Variants in TNFRSF17 observed in about 807,000 individuals in gnomAD.
The protein encoded by TNFRSF17 is TNF receptor superfamily member 17.
Under a neutral mutation model 9.9 loss-of-function variants are expected in TNFRSF17, and 13 were observed. The ratio of observed to expected loss-of-function variants is 1.31; its 90% confidence interval spans 0.85 to 2.08. The LOEUF (loss-of-function observed/expected upper bound fraction) is 2.08, where lower values mean the gene tolerates loss of function less well. Ranked by LOEUF, TNFRSF17 falls within the 30% of genes most tolerant of loss-of-function variation. The pLI, the probability that TNFRSF17 is intolerant of heterozygous loss-of-function variation, is 0.00. For missense variants in TNFRSF17, 305 were observed against 225.8 expected (o/e 1.35, Z -2.25); for synonymous variants, 99 against 83.7 (o/e 1.18, Z -1.00).
At chr16:11,967,161 C>T (rs776086269) in intron 2 of TNFRSF17, 4 of 199,326 alleles carry the variant, frequency 2.0e-5, no homozygotes, top group South Asian at 6.9e-5. Flanking sequence ...CCATCACCTC[C>T]GACTAATTTT....
At chr16:11,967,327 G>C (rs368753231) in intron 2 of TNFRSF17, among the ~76,000 whole-genome samples, 4 of 152,116 alleles carry the variant, frequency 2.6e-5, no homozygotes, top group African/African-American at 9.7e-5. Context: ...TTACTGAAAA[G>C]ATCTGTTTCA....
In TNFRSF17 at chr16:11,967,700, G is replaced by A. The variant is rs771402950; in HGVS notation, c.408G>A (p.Pro136=). The A allele has an allele frequency of 3.1e-6, 5 of 1,614,160 alleles. No homozygotes were observed. The East Asian group carries it at 6.7e-5, about 22-fold the overall frequency. ...GTGAAGACTGCATCAAGAGCAAACC[G>A]AAGGTCGACTCTGACCATTGCTTTC... ...CTCEDCIKSK[P]KVDSDHCFPL... is the part of the protein sequence containing the mutation. The change falls in exon 3 of 3, where the codon CCG becomes CCA. Residue 136 remains proline (P), a synonymous_variant. Coordinates refer to ENST00000053243, the MANE Select transcript of TNFRSF17 (RefSeq NM_001192.3).
chr16:11,966,352 T>A lies in TNFRSF17; in HGVS notation c.277+11T>A, dbSNP rs758505485. 1.0e-5 allele frequency: 16 copies of A among 1,604,072 alleles called. No homozygotes were observed. The African/African-American group carries it at 2.2e-4, about 22-fold the overall frequency. ...AGTTTAAAAACACAGGTTGGTTTGA[T>A]GGTGAATCTTTGAAATCTATTTCCA... On this transcript the variant is annotated intron_variant, in intron 2 of 2. Transcript: ENST00000053243.
chr16:11,966,095 A>C, intron 1 of TNFRSF17, 100 bp from the exon 2 acceptor site: 1 of 1,297,666 alleles, frequency 7.7e-7, no homozygotes, highest in Non-Finnish European at 1.0e-6. Flanking sequence ...TGGGCAACAG[A>C]GCAAGACTTT....
At position 11,967,661 on chromosome 16, in the gene TNFRSF17, G is replaced by C. The variant is rs759841436; in HGVS notation, c.369G>C (p.Val123=). ...IILPRGLEYT[V]EECTCEDCIK... is the part of the protein sequence containing the mutation. ...TTCCGAGAGGCCTCGAGTACACGGT[G>C]GAAGAATGCACCTGTGAAGACTGCA... Residue 123 remains valine (V), a synonymous_variant, in exon 3 of 3, where the codon GTG becomes GTC. Coordinates refer to ENST00000053243, the MANE Select transcript of TNFRSF17 (RefSeq NM_001192.3). The C allele has an allele frequency of 6.2e-7, 1 of 1,614,060 alleles. No homozygotes were observed. Among genetic ancestry groups the C allele is most frequent in the Admixed American group, 1.7e-5 (1 of 59,982 alleles).
chr16:11,967,661 GGAAGAATGCACCTGT>G lies in TNFRSF17; in HGVS notation c.375_389del (p.Glu125_Glu129del). The stretch of plus-strand genomic sequence containing the variant: ...TTCCGAGAGGCCTCGAGTACACGGT[GGAAGAATGCACCTGT>G]GAAGACTGCATCAAGAGCAAACCGA... On this transcript the variant is annotated inframe_deletion, in exon 3 of 3. Coordinates refer to ENST00000053243, the MANE Select transcript of TNFRSF17 (RefSeq NM_001192.3). 1 of 1,614,178 alleles carries G rather than the reference GGAAGAATGCACCTGT, an allele frequency of 6.2e-7. No individual in the cohort carries two copies. Among genetic ancestry groups the G allele is most frequent in the Non-Finnish European group, 8.5e-7 (1 of 1,180,038 alleles).
In TNFRSF17 at chr16:11,967,893, A is replaced by C; in HGVS notation, c.*46A>C. On this transcript the variant is annotated 3_prime_UTR_variant, in exon 3 of 3. Coordinates refer to ENST00000053243, the MANE Select transcript of TNFRSF17 (RefSeq NM_001192.3). Reference sequence around the variant, plus strand: ...AGTGCCACTTTAAAAATCTTTTGTCAGAATAGATGATGTGTCAGATCTCTT... The same window carrying C: ...AGTGCCACTTTAAAAATCTTTTGTCCGAATAGATGATGTGTCAGATCTCTT... The C allele has an allele frequency of 6.3e-7, 1 of 1,587,816 alleles. No individual in the cohort carries two copies. The highest frequency in any genetic ancestry group is 8.6e-7 in the Non-Finnish European group (1 of 1,166,136).
At position 11,965,440 on chromosome 16, in the gene TNFRSF17, G is replaced by T. The variant is rs752610824; in HGVS notation, c.116G>T (p.Arg39Leu). Residue 39 changes from arginine to leucine, a missense_variant, in exon 1 of 3, where the codon CGT becomes CTT. Coordinates refer to ENST00000053243, the MANE Select transcript of TNFRSF17 (RefSeq NM_001192.3). ...SSNTPPLTCQ[R>L]YCNASVTNSV... ...AATACTCCTCCTCTAACATGTCAGC[G>T]TTATTGTAATGCAAGTAAGTAATAT... is the stretch of plus-strand genomic sequence containing the variant. 13 of 1,613,932 alleles carry T rather than the reference G, an allele frequency of 8.1e-6. No individual in the cohort carries two copies. Among genetic ancestry groups the T allele is most frequent in the Non-Finnish European group, 1.1e-5 (13 of 1,179,982 alleles).
At chr16:11,966,891 G>T (rs1396679519) in intron 2 of TNFRSF17, 1 of 152,752 alleles carries the variant, frequency 6.5e-6, no homozygotes, top group Non-Finnish European at 1.5e-5. Context: ...CTACTTAAGT[G>T]CCTCTTAAGA....
rs1035875922 is a variant in TNFRSF17, at chr16:11,965,273, T to C, written c.-52T>C. On this transcript the variant is annotated 5_prime_UTR_variant, in exon 1 of 3. Coordinates refer to ENST00000053243, the MANE Select transcript of TNFRSF17 (RefSeq NM_001192.3). ...TCTGGAATTCTTGTAGAGATATTAC[T>C]TGTCCTTCCAGGCTGTTCTTTCTGT... The C allele has an allele frequency of 1.9e-6, 3 of 1,610,232 alleles. No homozygotes were observed. The highest frequency in any genetic ancestry group is 2.5e-6 in the Non-Finnish European group (3 of 1,177,734).
Position 11,967,652 on chromosome 16 carries a change from G to A in TNFRSF17, c.360G>A (p.Glu120=). Residue 120 remains glutamate (E), a synonymous_variant, in exon 3 of 3, where the codon GAG becomes GAA. Coordinates refer to ENST00000053243, the MANE Select transcript of TNFRSF17 (RefSeq NM_001192.3). ...GDEIILPRGL[E]YTVEECTCED... ...AAATTATTCTTCCGAGAGGCCTCGA[G>A]TACACGGTGGAAGAATGCACCTGTG... 6.2e-7 allele frequency: 1 copy of A among 1,614,190 alleles called. No homozygotes were observed. Among genetic ancestry groups the A allele is most frequent in the East Asian group, 2.2e-5 (1 of 44,888 alleles).
Position 11,965,628 on chromosome 16 carries a change from C to T in TNFRSF17, c.130+174C>T, listed in dbSNP as rs11570142. 6.7e-3 allele frequency among the ~76,000 whole-genome samples: 1,019 copies of T among 152,238 alleles called. 15 individuals carry two copies. The highest frequency in any genetic ancestry group is 0.022 in the African/African-American group (919 of 41,526). The stretch of plus-strand genomic sequence containing the variant: ...ATGGAAACAAAGTAATTATTTGGAA[C>T]TGAACTTGATATGATTCAGCACTAT... On this transcript the variant is annotated intron_variant, in intron 1 of 2. Transcript: ENST00000053243.
At chr16:11,966,384 G>A (rs759232146) in intron 2 of TNFRSF17, 43 bp downstream of exon 2, 3 of 1,579,952 alleles carry the variant, frequency 1.9e-6, no homozygotes, top group Non-Finnish European at 2.6e-6. Flanking sequence ...TCCAGGGGAT[G>A]GCTATTGTGA....
Position 11,967,782 on chromosome 16 carries a change from T to C in TNFRSF17, c.490T>C (p.Tyr164His). The C allele has an allele frequency of 6.2e-7, 1 of 1,614,208 alleles. No homozygotes were observed. The highest frequency in any genetic ancestry group is 2.2e-5 in the East Asian group (1 of 44,884). The change falls in exon 3 of 3, where the codon TAT (tyrosine) becomes CAT (histidine). Residue 164 changes from tyrosine (Y) to histidine (H), a missense_variant. Transcript: ENST00000053243. ...TILVTTKTNDYCKSLPAALSA... is the reference protein window; with the variant it reads ...TILVTTKTNDHCKSLPAALSA... ...TCTTGTCACCACGAAAACGAATGAC[T>C]ATTGCAAGAGCCTGCCAGCTGCTTT...
rs1381814011 is a variant in TNFRSF17, at chr16:11,968,003, G to T, written c.*156G>T. 6 of 831,794 alleles carry T rather than the reference G, an allele frequency of 7.2e-6. No homozygotes were observed. The highest frequency in any genetic ancestry group is 1.1e-5 in the Non-Finnish European group (6 of 556,298). 51.5% of individuals were successfully genotyped at this position (831,794 alleles called of 1,614,324 possible). The stretch of plus-strand genomic sequence containing the variant: ...CTTTATGTTAGATATATTTCTCTAG[G>T]TTACTGTTGGGAGCTTAATGGTAGA... On this transcript the variant is annotated 3_prime_UTR_variant, in exon 3 of 3. Coordinates refer to ENST00000053243, the MANE Select transcript of TNFRSF17 (RefSeq NM_001192.3).
At chr16:11,967,044 A>G in intron 2 of TNFRSF17, 1 of 209,012 alleles carries the variant, frequency 4.8e-6, no homozygotes, top group Non-Finnish European at 9.8e-6. Flanking sequence ...TCTGTGGCCC[A>G]GGCTGGAGTG....
At chr16:11,966,004 G>C (rs571754032) in intron 1 of TNFRSF17, among the ~76,000 whole-genome samples, 191 bp from the exon 2 acceptor site, 9 of 152,106 alleles carry the variant, frequency 5.9e-5, no homozygotes, top group Admixed American at 4.6e-4. Context: ...CCAGCTACTC[G>C]GGAGGCTGAG....
chr16:11,967,494 G>T, intron 2 of TNFRSF17, 76 bp from the exon 3 acceptor site: 1 of 1,426,866 alleles, frequency 7.0e-7, no homozygotes, highest in Non-Finnish European at 9.6e-7. Context: ...TTTGAGTCCC[G>T]ATGTGTACTG....
rs1165563790 is a variant in TNFRSF17, at chr16:11,966,270, C to A, written c.206C>A (p.Ala69Glu). ...CLGLSLIISL[A>E]VFVLMFLLRK... is the part of the protein sequence containing the mutation. ...GGACTGAGCTTAATAATTTCTTTGG[C>A]AGTTTTCGTGCTAATGTTTTTGCTA... The change falls in exon 2 of 3, where the codon GCA (alanine) becomes GAA (glutamate). Residue 69 changes from alanine to glutamate, a missense_variant. Ala to Glu is a moderately radical substitution (Grantham distance 107, BLOSUM62 -1). Transcript: ENST00000053243. The A allele has an allele frequency of 6.2e-7, 1 of 1,613,876 alleles. No homozygotes were observed. The highest frequency in any genetic ancestry group is 8.5e-7 in the Non-Finnish European group (1 of 1,179,814).
Sources: allele counts gnomAD v4.1 joint callset (sites outside exome capture counted in the v4.1 genomes callset), GRCh38; gene constraint gnomAD v4.1.1; transcripts MANE v1.5; gene names NCBI Gene and HGNC (gene_info 2026-07-23, HGNC 2026-07-21).